Variants in CNTNAP5 observed in about 807,000 individuals in gnomAD.
CNTNAP5 encodes the protein contactin-associated protein-like 5.
A neutral mutation model predicts 150.2 loss-of-function variants in CNTNAP5; 72 were observed. That is an observed-to-expected ratio of 0.48 (90% CI 0.40 to 0.58). CNTNAP5 has a LOEUF of 0.58. Ranked by LOEUF, CNTNAP5 falls within the 20% of genes least tolerant of loss-of-function variation. The pLI is 0.00. For missense variants in CNTNAP5, 1,636 were observed against 1,626.2 expected, an observed-to-expected ratio of 1.01 and a Z score of -0.10; for synonymous variants, 672 against 619.8, an observed-to-expected ratio of 1.08 and a Z score of -1.25.
In CNTNAP5 at chr2:124,855,039, G is replaced by A. The variant is rs116419058; in HGVS notation, c.3218-10267G>A. ...GGAAAAGCATTTGGAGGGATACTGC[G>A]TGTTCAGGTGTGTGACTAAGATATA... On this transcript the variant is annotated intron_variant, in intron 19 of 23. Transcript: ENST00000682447. 5.5e-3 allele frequency among the ~76,000 whole-genome samples: 833 copies of A among 152,190 alleles called. 14 individuals are homozygous for A. Among genetic ancestry groups the A allele is most frequent in the African/African-American group, 0.018 (751 of 41,556 alleles).
At chr2:124,321,221 C>A (rs1835352) in intron 3 of CNTNAP5, among the ~76,000 whole-genome samples, 11,285 of 152,088 alleles carry the variant, frequency 0.074, 498 homozygotes, top group South Asian at 0.13. Flanking sequence ...GCAGGCGGAT[C>A]GCCTGAGGTT....
intron 12 of CNTNAP5, among the ~76,000 whole-genome samples, chr2:124,628,802 C>T (rs566035780): frequency 1.3e-5 from 2 of 152,168 alleles, no homozygotes; most frequent in African/African-American, 2.4e-5. Flanking sequence ...CATCAGTGTG[C>T]CATATTAAAG....
chr2:124,474,675 A>G, intron 6 of CNTNAP5, 64 bp from the exon 7 acceptor site: 1 of 1,400,210 alleles, frequency 7.1e-7, no homozygotes, highest in Admixed American at 3.1e-5. Context: ...GCACGTGTTT[A>G]CTTTCCTTTC....
chr2:124,580,047 G>A (rs888129710), intron 11 of CNTNAP5, among the ~76,000 whole-genome samples: 3 of 152,284 alleles, frequency 2.0e-5, no homozygotes, highest in African/African-American at 7.2e-5. Context: ...CCATCATAAG[G>A]AGGCACCCTC....
At chr2:124,701,440 C>T (rs987227727) in intron 13 of CNTNAP5, among the ~76,000 whole-genome samples, 9 of 152,162 alleles carry the variant, frequency 5.9e-5, no homozygotes, top group Admixed American at 2.0e-4. Context: ...TGGATGCTTA[C>T]GTTGTTTTCA....
rs371368855 is a variant in CNTNAP5, at chr2:124,242,372, C to A, written c.360C>A (p.Tyr120Ter). 2 of 1,612,976 alleles carry A rather than the reference C, an allele frequency of 1.2e-6. No homozygotes were observed. Among genetic ancestry groups the A allele is most frequent in the Non-Finnish European group, 1.7e-6 (2 of 1,179,490 alleles). ...FSDTGRNWKQ[Y>*]KQEDSIWTFA... ...ACACAGGACGCAACTGGAAACAGTA[C>A]AAACAAGAAGACAGCATCTGGGTAG... is the stretch of plus-strand genomic sequence containing the variant. The change falls in exon 3 of 24, where the codon TAC becomes TAA. Residue 120 changes from tyrosine to a stop codon, truncating the protein, a stop_gained. Coordinates refer to ENST00000682447, the MANE Select transcript of CNTNAP5 (RefSeq NM_001367498.1). LOFTEE classifies it high-confidence loss of function.
chr2:124,062,799 G>A (rs1211987552), intron 1 of CNTNAP5, among the ~76,000 whole-genome samples: 1 of 152,030 alleles, frequency 6.6e-6, no homozygotes, highest in Admixed American at 6.6e-5. Context: ...CTTTCTCCTT[G>A]GGAGTTTTTT....
intron 12 of CNTNAP5, among the ~76,000 whole-genome samples, chr2:124,612,845 G>A (rs929209632): frequency 2.0e-5 from 3 of 152,128 alleles, no homozygotes; most frequent in Admixed American, 6.6e-5. Context: ...TTGAGGTCAG[G>A]AGTTCGAGAC....
intron 19 of CNTNAP5, among the ~76,000 whole-genome samples, chr2:124,825,793 C>T (rs190333553): frequency 3.3e-5 from 5 of 152,044 alleles, no homozygotes; most frequent in Non-Finnish European, 7.4e-5. Flanking sequence ...TTCTTGGGAT[C>T]GGGGCATGAC....
intron 12 of CNTNAP5, among the ~76,000 whole-genome samples, chr2:124,616,905 G>A (rs1330691902): frequency 1.3e-5 from 2 of 152,026 alleles, no homozygotes; most frequent in Non-Finnish European, 2.9e-5. Context: ...TGCCTTATAT[G>A]GGTGCAGTTC....
intron 7 of CNTNAP5, among the ~76,000 whole-genome samples, chr2:124,494,826 A>C (rs1382851674): frequency 6.6e-6 from 1 of 152,210 alleles, no homozygotes. Context: ...TAATTTCCTA[A>C]TAGCAATTAC....
chr2:124,547,615 C>T (rs918435679), intron 10 of CNTNAP5, among the ~76,000 whole-genome samples: 2 of 152,144 alleles, frequency 1.3e-5, no homozygotes, highest in Non-Finnish European at 2.9e-5. Flanking sequence ...GTGTGGTCCT[C>T]CAAGAGTTCT....
chr2:124,857,995 A>C (rs2104711256), intron 19 of CNTNAP5, among the ~76,000 whole-genome samples: 1 of 152,332 alleles, frequency 6.6e-6, no homozygotes, highest in Admixed American at 6.5e-5. Context: ...GATATTAAAA[A>C]TTTCAACAGC....
chr2:124,692,431 C>G lies in CNTNAP5; in HGVS notation c.2077+44473C>G, dbSNP rs554396814. Reference sequence around the variant, plus strand: ...AAAGCTTAAAATATATACAATCTGGCCTTTTACAGAAAAATGTATGGACTC... The same window carrying G: ...AAAGCTTAAAATATATACAATCTGGGCTTTTACAGAAAAATGTATGGACTC... On this transcript the variant is annotated intron_variant, in intron 13 of 23. Coordinates refer to ENST00000682447, the MANE Select transcript of CNTNAP5 (RefSeq NM_001367498.1). 5.9e-5 allele frequency among the ~76,000 whole-genome samples: 9 copies of G among 152,206 alleles called. No homozygotes were observed. In the South Asian group the frequency reaches 1.2e-3, roughly 21 times the overall value.
intron 1 of CNTNAP5, among the ~76,000 whole-genome samples, chr2:124,136,598 C>T (rs540966872): frequency 9.9e-5 from 15 of 152,236 alleles, no homozygotes; most frequent in Middle Eastern, 6.8e-3. Context: ...GAGTGAAAAA[C>T]AGAATGTTTG....
chr2:124,888,897 A>G (rs1018517576), intron 21 of CNTNAP5, among the ~76,000 whole-genome samples: 1 of 151,666 alleles, frequency 6.6e-6, no homozygotes, highest in Non-Finnish European at 1.5e-5. Flanking sequence ...TAGGTTGTCT[A>G]TTTACCCTGT....
At chr2:124,175,996 C>T (rs1345383521) in intron 1 of CNTNAP5, among the ~76,000 whole-genome samples, 1 of 152,100 alleles carries the variant, frequency 6.6e-6, no homozygotes, top group African/African-American at 2.4e-5. Flanking sequence ...AATTTTCACT[C>T]TTATAAATTA....
At chr2:124,066,184 GAC>G (rs1414438403) in intron 1 of CNTNAP5, among the ~76,000 whole-genome samples, 3 of 150,768 alleles carry the variant, frequency 2.0e-5, no homozygotes, top group Non-Finnish European at 4.4e-5. Flanking sequence ...ACCTGAGAGA[GAC>G]AGTTTTTTTC....
chr2:124,471,463 G>A (rs1159687692), intron 6 of CNTNAP5, among the ~76,000 whole-genome samples: 1 of 152,034 alleles, frequency 6.6e-6, no homozygotes, highest in Non-Finnish European at 1.5e-5. Flanking sequence ...TAAGCTTTTG[G>A]GCTGAGACAA....
Sources: gnomAD v4.1 joint callset for allele counts (sites outside exome capture counted in the v4.1 genomes callset) on GRCh38, gnomAD v4.1.1 for gene constraint, MANE v1.5 for transcripts, NCBI Gene and HGNC (gene_info 2026-07-23, HGNC 2026-07-21) for gene names.